Variants in TSC22D4 observed in about 807,000 individuals in gnomAD.
TSC22D4 encodes the protein TSC22 domain family protein 4.
TSC22D4 carries 5 observed loss-of-function variants against 24.9 expected under a neutral mutation model. The ratio of observed to expected loss-of-function variants is 0.20; its 90% confidence interval spans 0.10 to 0.42. The LOEUF is 0.42. Among genes scored for constraint, TSC22D4 ranks in the 10% least tolerant of loss-of-function variants. The probability of loss-of-function intolerance (pLI) is 1.00; values close to 1 mark genes in which losing one functional copy is unlikely to be tolerated. For missense variants in TSC22D4, 469 were observed against 547.9 expected, an observed-to-expected ratio of 0.86 and a Z score of 1.44; for synonymous variants, 245 against 243.2, an observed-to-expected ratio of 1.01 and a Z score of -0.07.
rs1799445879 is a variant in TSC22D4 at position 100,474,095 on chromosome 7, G to C, written c.929+179C>G. On this transcript the variant is annotated intron_variant, in intron 3 of 4. Transcript: ENST00000300181. The surrounding 1 kb of genome is among the most constrained non-coding windows in gnomAD (Gnocchi z 4.3). ...TCCCACCCAGCCCTCTCCACAGAGA[G>C]GGAGTGGGTCCGAAATCAACTGTGT... is the stretch of plus-strand genomic sequence containing the variant. 5.5e-6 allele frequency: 4 copies of C among 723,578 alleles called. No homozygotes were observed. Among genetic ancestry groups the C allele is most frequent in the Admixed American group, 5.7e-5 (2 of 34,812 alleles). The allele number at this position is 723,578 out of a possible 1,614,324, so 44.8% of individuals were successfully genotyped here.
chr7:100,468,445 G>T (rs943187348), intron 3 of TSC22D4, among the ~76,000 whole-genome samples: 4 of 152,146 alleles, frequency 2.6e-5, no homozygotes, highest in Admixed American at 2.6e-4. Flanking sequence ...GGGTGGAGGT[G>T]GCTGGGGTAG....
Position 100,478,091 on chromosome 7 carries a change from G to A in TSC22D4, c.-53C>T. ...GGTTGGGGGTGGGTTGGGGCTCCTTGAAGGGGCTCAGGCACCCCTGGAACA... is the reference window on the plus strand; with the variant it reads ...GGTTGGGGGTGGGTTGGGGCTCCTTAAAGGGGCTCAGGCACCCCTGGAACA... On this transcript the variant is annotated 5_prime_UTR_variant, in exon 2 of 5. The change creates a premature stop within an existing upstream ORF in the 5' untranslated region. Coordinates refer to ENST00000300181, the MANE Select transcript of TSC22D4 (RefSeq NM_030935.5). 6.7e-7 allele frequency: 1 copy of A among 1,495,466 alleles called. No homozygotes were observed. Among genetic ancestry groups the A allele is most frequent in the Non-Finnish European group, 9.0e-7 (1 of 1,109,858 alleles). The allele number at this position is 1,495,466 out of a possible 1,614,324, so 92.6% of individuals were successfully genotyped here. A position where few individuals can be genotyped will look rare whatever the true frequency, so the allele number is the denominator to read the frequency against.
rs180970379 is a variant in TSC22D4, at chr7:100,467,990, C to T, written c.930-390G>A. 504 of 482,490 alleles carry T rather than the reference C, an allele frequency of 1.0e-3. 1 individual carries two copies. The highest frequency in any genetic ancestry group is 9.2e-3 in the African/African-American group (464 of 50,564). 29.9% of individuals were successfully genotyped at this position (482,490 alleles called of 1,614,324 possible). On this transcript the variant is annotated intron_variant, in intron 3 of 4. Transcript: ENST00000300181. ...GACACCCCCCCAATGGAGAGGGATG[C>T]AGTGAAGGGAATGCCTGGGGGGCTC...
Position 100,477,271 on chromosome 7 carries a change from T to C in TSC22D4, c.762+6A>G, listed in dbSNP as rs762642347. The C allele has an allele frequency of 6.7e-7, 1 of 1,488,896 alleles. No homozygotes were observed. Among genetic ancestry groups the C allele is most frequent in the South Asian group, 1.4e-5 (1 of 69,708 alleles). The allele number at this position is 1,488,896 out of a possible 1,614,324, so 92.2% of individuals were successfully genotyped here. On this transcript the variant is annotated splice_donor_region_variant and intron_variant, in intron 2 of 4. Coordinates refer to ENST00000300181, the MANE Select transcript of TSC22D4 (RefSeq NM_030935.5). The surrounding 1 kb of genome is among the most constrained non-coding windows in gnomAD (Gnocchi z 7.8). ...TGATGGGCCAGCCCTAGAACCCAGG[T>C]CTTACCTGCCCCATCTCTTCTGGAG...
Sources: gnomAD v4.1 joint callset for allele counts (sites outside exome capture counted in the v4.1 genomes callset) on GRCh38, gnomAD v4.1.1 for gene constraint, Gnocchi (gnomAD v3.1) non-coding constraint, MANE v1.5 for transcripts, NCBI Gene and HGNC (gene_info 2026-07-23, HGNC 2026-07-21) for gene names.